KAT6B: variants seen among roughly 807,000 people sequenced by gnomAD.
The protein encoded by KAT6B is lysine acetyltransferase 6B.
Under a neutral mutation model 187.5 loss-of-function variants are expected in KAT6B, and 10 were observed. The ratio of observed to expected loss-of-function variants is 0.05; its 90% CI spans 0.03 to 0.09. KAT6B has a LOEUF of 0.09. Ranked by LOEUF, KAT6B falls within the 10% of genes least tolerant of loss-of-function variation. KAT6B has a pLI of 1.00. For synonymous variants in KAT6B, 861 were observed against 926.8 expected (o/e 0.93, Z 1.29); for missense variants, 1,952 against 2,558.9 (o/e 0.76, Z 5.12).
intron 3 of KAT6B, 140 bp from the exon 4 acceptor site, chr10:74,959,830 T>C (rs1215764317): frequency 3.0e-6 from 2 of 672,672 alleles, no homozygotes; most frequent in African/African-American, 3.6e-5. Context: ...AAAGTGTTTA[T>C]TTAAATACGT....
chr10:74,954,890 A>AGATTAACATATTCCTCTGTCCTC (rs1840568827), intron 3 of KAT6B, among the ~76,000 whole-genome samples: 1 of 152,190 alleles, frequency 6.6e-6, no homozygotes, highest in South Asian at 2.1e-4. Context: ...CCCGCTCTAT[A>AGATTAACATATTCCTCTGTCCTC]GATTAACATA....
chr10:74,975,938 T>C lies in KAT6B; in HGVS notation c.1601T>C (p.Leu534Pro). ...SQCSVPSLSSLTTNSQLKALF... is the reference protein window; with the variant it reads ...SQCSVPSLSSPTTNSQLKALF... ...TGCAGTGTGCCCTCCCTGAGCAGCC[T>C]TACCACTAACAGCCAGCTGAAGGCA... The change falls in exon 8 of 18, where the codon CTT becomes CCT. Residue 534 changes from leucine to proline, a missense_variant. By Grantham distance (98) the Leu-to-Pro change is moderately conservative (BLOSUM62 -3). This residue lies in a region of KAT6B where 417 missense variants were observed against 508.9 expected (regional missense o/e 0.82). Transcript: ENST00000287239. The C allele has an allele frequency of 6.2e-7, 1 of 1,614,144 alleles. No individual in the cohort carries two copies.
At chr10:74,854,209 G>C (rs921943666) in intron 3 of KAT6B, among the ~76,000 whole-genome samples, 3 of 152,214 alleles carry the variant, frequency 2.0e-5, no homozygotes, top group Admixed American at 6.5e-5. Flanking sequence ...GACATTTTGA[G>C]TTAGCAGGGC....
chr10:74,970,799 ACC>A (rs1841800587), intron 6 of KAT6B, among the ~76,000 whole-genome samples: 1 of 152,124 alleles, frequency 6.6e-6, no homozygotes, highest in South Asian at 2.1e-4. Flanking sequence ...GCCTTCACAT[ACC>A]CTTTGAAGGG....
chr10:75,017,339 G>GA (rs752834184), intron 13 of KAT6B, among the ~76,000 whole-genome samples: 1 of 151,314 alleles, frequency 6.6e-6, no homozygotes, highest in Non-Finnish European at 1.5e-5. Flanking sequence ...GAAGAGCCTA[G>GA]AAAAAAATAG....
At chr10:74,827,322 G>T in intron 1 of KAT6B, 1 of 153,366 alleles carries the variant, frequency 6.5e-6, no homozygotes. Context: ...AGAGTAGGTG[G>T]GTTTGGGTGT....
intron 3 of KAT6B, among the ~76,000 whole-genome samples, chr10:74,848,186 T>C (rs1842240319): frequency 6.6e-6 from 1 of 152,204 alleles, no homozygotes; most frequent in South Asian, 2.1e-4. Context: ...CCCAAAGTGC[T>C]GGGATTATAG....
intron 3 of KAT6B, among the ~76,000 whole-genome samples, chr10:74,954,872 A>C (rs141315918): frequency 8.5e-5 from 13 of 152,314 alleles, no homozygotes; most frequent in South Asian, 6.2e-4. Context: ...TTTTGGTACT[A>C]GCATCTCCCC....
intron 3 of KAT6B, among the ~76,000 whole-genome samples, chr10:74,870,172 G>A (rs533195916): frequency 6.6e-6 from 1 of 152,130 alleles, no homozygotes; most frequent in Admixed American, 6.5e-5. Flanking sequence ...CCAGCGACTT[G>A]GGGGTGCTGA....
At chr10:74,856,743 A>C (rs1589483862) in intron 3 of KAT6B, among the ~76,000 whole-genome samples, 1 of 152,066 alleles carries the variant, frequency 6.6e-6, no homozygotes, top group Non-Finnish European at 1.5e-5. Flanking sequence ...TACAGAAAAT[A>C]CAAAAAAATC....
intron 3 of KAT6B, among the ~76,000 whole-genome samples, chr10:74,915,620 G>A (rs953826441): frequency 6.6e-6 from 1 of 152,212 alleles, no homozygotes; most frequent in African/African-American, 2.4e-5. Flanking sequence ...CACTACCACA[G>A]TGCCTGGTGC....
intron 3 of KAT6B, among the ~76,000 whole-genome samples, chr10:74,859,485 G>A (rs2132270619): frequency 6.6e-6 from 1 of 152,310 alleles, no homozygotes; most frequent in African/African-American, 2.4e-5. Context: ...GCAGATGGAT[G>A]TATATTATAT....
At position 75,022,176 on chromosome 10, in the gene KAT6B, T is replaced by G. The variant is rs1287925635; in HGVS notation, c.3317T>G (p.Ile1106Ser). 6.2e-7 allele frequency: 1 copy of G among 1,612,952 alleles called. No individual in the cohort carries two copies. Among genetic ancestry groups the G allele is most frequent in the African/African-American group, 1.3e-5 (1 of 74,730 alleles). ...GAAGAAGAAGAAGAAGAAGAAAATATTCAAAGCTCTCCCCCAAGATTGACG... is the reference window on the plus strand; with the variant it reads ...GAAGAAGAAGAAGAAGAAGAAAATAGTCAAAGCTCTCCCCCAAGATTGACG... ...EEEEEEEEEN[I>S]QSSPPRLTKP... The change falls in exon 16 of 18, where the codon ATT (isoleucine) becomes AGT (serine). Residue 1106 changes from isoleucine (I) to serine (S), a missense_variant. Coordinates refer to ENST00000287239, the MANE Select transcript of KAT6B (RefSeq NM_012330.4).
intron 3 of KAT6B, among the ~76,000 whole-genome samples, chr10:74,910,614 C>CTT (rs140362476): frequency 0.026 from 3,816 of 147,400 alleles, 168 homozygotes; most frequent in African/African-American, 0.088. Flanking sequence ...CACATTTTTT[C>CTT]TTTTTTTTTT....
intron 11 of KAT6B, 102 bp from the exon 12 acceptor site, chr10:74,984,978 G>A (rs192599616): frequency 9.2e-7 from 1 of 1,088,732 alleles, no homozygotes. Flanking sequence ...TTTAGGATTT[G>A]GAAATAAAAT....
chr10:75,021,797 A>G, intron 15 of KAT6B, 84 bp from the exon 16 acceptor site: 1 of 1,465,652 alleles, frequency 6.8e-7, no homozygotes, highest in South Asian at 1.2e-5. Flanking sequence ...GAACCGACTT[A>G]GAGACACTTT....
intron 3 of KAT6B, among the ~76,000 whole-genome samples, chr10:74,870,306 C>A (rs939898206): frequency 6.6e-6 from 1 of 152,014 alleles, no homozygotes; most frequent in Non-Finnish European, 1.5e-5. Flanking sequence ...AGACAAAAAA[C>A]CCCACGAAAA....
intron 8 of KAT6B, 197 bp from the exon 9 acceptor site, chr10:74,977,119 A>G (rs1842210341): frequency 2.0e-6 from 1 of 494,524 alleles, no homozygotes; most frequent in Admixed American, 3.3e-5. Flanking sequence ...TGATAAATTC[A>G]AATAAAAATT....
chr10:74,933,940 C>CT, intron 3 of KAT6B, among the ~76,000 whole-genome samples: 1 of 152,092 alleles, frequency 6.6e-6, no homozygotes, highest in East Asian at 1.9e-4. Flanking sequence ...AATCCTAGCA[C>CT]TTTGGGAGGC....
Sources: gnomAD v4.1 joint callset for allele counts (sites outside exome capture counted in the v4.1 genomes callset) on GRCh38, gnomAD v4.1.1 for gene constraint, gnomAD v4.1.1 regional missense constraint, MANE v1.5 for transcripts, NCBI Gene and HGNC (gene_info 2026-07-23, HGNC 2026-07-21) for gene names.